F13A1: variants seen among roughly 807,000 people sequenced by gnomAD.
The protein encoded by F13A1 is coagulation factor XIII A chain.
In F13A1, 47 loss-of-function variants were observed where a neutral mutation model predicts 80.1. That is an observed-to-expected ratio of 0.59 (90% CI 0.46 to 0.75). The LOEUF (loss-of-function observed/expected upper bound fraction) is 0.75, where lower values mean the gene tolerates loss of function less well. Ranked by LOEUF, F13A1 falls within the 30% of genes least tolerant of loss-of-function variation. The pLI is 0.00. For synonymous variants in F13A1, 349 were observed against 344.9 expected (o/e 1.01, Z -0.13); for missense variants, 817 against 930.4 (o/e 0.88, Z 1.59).
chr6:6,202,076 T>C (rs2151084096), intron 8 of F13A1, among the ~76,000 whole-genome samples: 1 of 151,468 alleles, frequency 6.6e-6, no homozygotes, highest in East Asian at 1.9e-4. Context: ...ATCGATTACC[T>C]CCCATATTTA....
intron 7 of F13A1, among the ~76,000 whole-genome samples, chr6:6,222,884 A>T (rs1026114035): frequency 6.6e-6 from 1 of 152,166 alleles, no homozygotes; most frequent in African/African-American, 2.4e-5. Context: ...TGGAAGTCCA[A>T]ACTGGAGTCT....
chr6:6,318,686 C>CACA lies in F13A1; in HGVS notation c.-18-5_-18-4insTGT. 1 of 1,289,914 alleles carries CACA rather than the reference C, an allele frequency of 7.8e-7. No homozygotes were observed. The highest frequency in any genetic ancestry group is 3.1e-5 in the East Asian group (1 of 32,288). 79.9% of individuals were successfully genotyped at this position (1,289,914 alleles called of 1,614,324 possible). On this transcript the variant is annotated splice_region_variant and splice_polypyrimidine_tract_variant and intron_variant, in intron 1 of 14. Transcript: ENST00000264870. ...ACATTTTTGACTTTACAAGGTCCTT[C>CACA]AGAAAAAAAAAAAAAAGAAGACAAC...
chr6:6,286,820 G>A (rs1394822053), intron 3 of F13A1, among the ~76,000 whole-genome samples: 1 of 152,178 alleles, frequency 6.6e-6, no homozygotes, highest in African/African-American at 2.4e-5. Context: ...AGGGTGAAGA[G>A]GGTAGCAAGA....
chr6:6,158,436 A>T (rs1760515041), intron 13 of F13A1, among the ~76,000 whole-genome samples: 1 of 152,204 alleles, frequency 6.6e-6, no homozygotes, highest in African/African-American at 2.4e-5. Context: ...GCATTAATGA[A>T]ATATGAGGTT....
chr6:6,229,209 G>A (rs1010489927), intron 6 of F13A1, among the ~76,000 whole-genome samples: 2 of 152,130 alleles, frequency 1.3e-5, no homozygotes, highest in African/African-American at 4.8e-5. Flanking sequence ...ACTGCATGCA[G>A]AGGAAGAGAC....
intron 12 of F13A1, among the ~76,000 whole-genome samples, chr6:6,172,566 C>T (rs954353847): frequency 6.6e-6 from 1 of 151,978 alleles, no homozygotes; most frequent in African/African-American, 2.4e-5. Flanking sequence ...CTGTCTTAGC[C>T]TCCCAAGTAG....
chr6:6,251,066 A>C (rs1466738241), intron 4 of F13A1, 137 bp from the exon 5 acceptor site: 1 of 760,788 alleles, frequency 1.3e-6, no homozygotes, highest in Non-Finnish European at 2.4e-6. Context: ...TGTTTCACCA[A>C]GCATAGCTCA....
chr6:6,154,868 G>C (rs1760445877), intron 13 of F13A1, among the ~76,000 whole-genome samples: 1 of 152,218 alleles, frequency 6.6e-6, no homozygotes, highest in Non-Finnish European at 1.5e-5. Context: ...AGCTGCCACA[G>C]AGACATTATT....
chr6:6,182,774 A>T (rs1761012709), intron 10 of F13A1, among the ~76,000 whole-genome samples: 1 of 152,142 alleles, frequency 6.6e-6, no homozygotes, highest in African/African-American at 2.4e-5. Flanking sequence ...GATGCTGTTA[A>T]ATGGCTAAGC....
intron 6 of F13A1, among the ~76,000 whole-genome samples, chr6:6,245,046 T>C (rs1757536089): frequency 6.6e-6 from 1 of 152,136 alleles, no homozygotes; most frequent in African/African-American, 2.4e-5. Context: ...CATTTGGTAA[T>C]ATGTGGAATC....
intron 3 of F13A1, 143 bp from the exon 4 acceptor site, chr6:6,266,952 C>A (rs532799815): frequency 1.7e-6 from 2 of 1,201,132 alleles, no homozygotes; most frequent in African/African-American, 3.0e-5. Context: ...TCAGGCAAGT[C>A]TGCAAATTAC....
chr6:6,271,973 A>T (rs1440647396), intron 3 of F13A1, among the ~76,000 whole-genome samples: 1 of 152,238 alleles, frequency 6.6e-6, no homozygotes, highest in Non-Finnish European at 1.5e-5. Context: ...TTCCAACCTT[A>T]GCTACCTAGG....
intron 13 of F13A1, among the ~76,000 whole-genome samples, chr6:6,156,186 G>C (rs6931961): frequency 6.6e-6 from 1 of 151,994 alleles, no homozygotes; most frequent in Non-Finnish European, 1.5e-5. Context: ...TCAACCCGTA[G>C]TATGCTTTTT....
intron 13 of F13A1, among the ~76,000 whole-genome samples, chr6:6,160,288 G>A (rs1375385597): frequency 1.5e-5 from 2 of 137,164 alleles, no homozygotes; most frequent in Non-Finnish European, 3.1e-5. Context: ...AAAAAAAAAA[G>A]GAAAGAAAGA....
At chr6:6,173,969 T>A (rs893954286) in intron 12 of F13A1, among the ~76,000 whole-genome samples, 1 of 152,196 alleles carries the variant, frequency 6.6e-6, no homozygotes, top group Non-Finnish European at 1.5e-5. Context: ...TGGGGAATGC[T>A]GATGCAGCTG....
At chr6:6,224,917 C>T in intron 6 of F13A1, 57 bp from the exon 7 acceptor site, 1 of 1,589,942 alleles carries the variant, frequency 6.3e-7, no homozygotes, top group Non-Finnish European at 8.6e-7. Flanking sequence ...TTGTCTACTC[C>T]AGGCTATGCA....
chr6:6,189,919 G>A lies in F13A1; in HGVS notation c.1305+5878C>T, dbSNP rs1339023336. ...CCCATATTTCTTGGAGGCTTTTCTG[G>A]TTTCTTTTTATTCTTTTTTCTCTAA... On this transcript the variant is annotated intron_variant, in intron 10 of 14. Coordinates refer to ENST00000264870, the MANE Select transcript of F13A1 (RefSeq NM_000129.4). 5.3e-5 allele frequency among the ~76,000 whole-genome samples: 8 copies of A among 152,010 alleles called. No individual in the cohort carries two copies. The South Asian group carries it at 1.2e-3, about 24-fold the overall frequency.
intron 8 of F13A1, among the ~76,000 whole-genome samples, chr6:6,211,922 G>A (rs937197541): frequency 3.9e-5 from 6 of 152,242 alleles, no homozygotes; most frequent in African/African-American, 1.2e-4. Context: ...GTGACAGACA[G>A]CACCTGGAAA....
In F13A1 at chr6:6,174,851, T is replaced by A. The variant is rs768496684; in HGVS notation, c.1476A>T (p.Arg492Ser). Residue 492 changes from arginine to serine, a missense_variant, in exon 12 of 15, where the codon AGA becomes AGT. Coordinates refer to ENST00000264870, the MANE Select transcript of F13A1 (RefSeq NM_000129.4). Reference sequence around the variant, plus strand: ...ACATCAGGGCAGTTTCTAGGGCCAATCTCTCTTCTTCTTGACCTGGGGGAG... The same window carrying A: ...ACATCAGGGCAGTTTCTAGGGCCAAACTCTCTTCTTCTTGACCTGGGGGAG... ...YKFQEGQEEERLALETALMYG... is the reference protein window; with the variant it reads ...YKFQEGQEEESLALETALMYG... The A allele has an allele frequency of 1.2e-6, 2 of 1,614,174 alleles. No homozygotes were observed. Among genetic ancestry groups the A allele is most frequent in the Non-Finnish European group, 1.7e-6 (2 of 1,180,034 alleles).
Sources: gnomAD v4.1 joint callset for allele counts (sites outside exome capture counted in the v4.1 genomes callset) on GRCh38, gnomAD v4.1.1 for gene constraint, MANE v1.5 for transcripts, NCBI Gene and HGNC (gene_info 2026-07-23, HGNC 2026-07-21) for gene names.